The following CDH18 variants were observed in gnomAD, a reference collection of about 807,000 sequenced individuals.
CDH18 encodes cadherin 18, also known as cadherin-18.
Under a neutral mutation model 67.9 loss-of-function variants are expected in CDH18, and 31 were observed. That is an observed-to-expected ratio of 0.46 (90% CI 0.34 to 0.62). The LOEUF (loss-of-function observed/expected upper bound fraction) is 0.62, where lower values mean the gene tolerates loss of function less well. Ranked by LOEUF, CDH18 falls within the 20% of genes least tolerant of loss-of-function variation. The pLI, the probability that CDH18 is intolerant of heterozygous loss-of-function variation, is 0.01. For synonymous variants in CDH18, 362 were observed against 347.2 expected, an observed-to-expected ratio of 1.04 and a Z score of -0.48; for missense variants, 890 against 975.5, an observed-to-expected ratio of 0.91 and a Z score of 1.17.
At chr5:19,593,378 T>C (rs151014835) in intron 6 of CDH18, among the ~76,000 whole-genome samples, 1 of 152,264 alleles carries the variant, frequency 6.6e-6, no homozygotes, top group African/African-American at 2.4e-5. Flanking sequence ...TATGAGGTGT[T>C]ATCATACTGT....
chr5:20,093,563 T>C (rs758576390), intron 2 of CDH18, among the ~76,000 whole-genome samples: 1 of 152,160 alleles, frequency 6.6e-6, no homozygotes, highest in Non-Finnish European at 1.5e-5. Context: ...ACACTCATGA[T>C]AGTCCATTGT....
intron 2 of CDH18, among the ~76,000 whole-genome samples, chr5:20,217,780 C>A (rs1239936133): frequency 6.6e-6 from 1 of 151,590 alleles, no homozygotes; most frequent in Non-Finnish European, 1.5e-5. Context: ...ACATAGCAAA[C>A]ACATTTCACC....
At chr5:20,241,394 C>CCATG (rs1471987920) in intron 2 of CDH18, among the ~76,000 whole-genome samples, 6 of 151,974 alleles carry the variant, frequency 3.9e-5, no homozygotes, top group Non-Finnish European at 8.8e-5. Context: ...GAGTGCCTGA[C>CCATG]CATGGTGTGA....
At chr5:19,981,842 G>C (rs1329216252) in intron 1 of CDH18, among the ~76,000 whole-genome samples, 1 of 151,990 alleles carries the variant, frequency 6.6e-6, no homozygotes, top group Non-Finnish European at 1.5e-5. Context: ...CTTCCTCCCA[G>C]GCTTCCTAGC....
At chr5:20,378,903 A>G (rs1743680265) in intron 1 of CDH18, among the ~76,000 whole-genome samples, 1 of 152,124 alleles carries the variant, frequency 6.6e-6, no homozygotes, top group South Asian at 2.1e-4. Flanking sequence ...ATAAGAAAAG[A>G]TATCTTACCT....
At chr5:19,954,143 A>G (rs953222500) in intron 2 of CDH18, among the ~76,000 whole-genome samples, 5 of 152,072 alleles carry the variant, frequency 3.3e-5, no homozygotes, top group African/African-American at 1.2e-4. Flanking sequence ...TAGCACTTGG[A>G]TCATCTGGGA....
chr5:19,831,859 G>C (rs1369218089), intron 3 of CDH18, among the ~76,000 whole-genome samples: 1 of 151,942 alleles, frequency 6.6e-6, no homozygotes, highest in African/African-American at 2.4e-5. Context: ...AATAACTTAG[G>C]TGTCCCTCAA....
At chr5:20,178,027 G>C (rs1737379842) in intron 2 of CDH18, among the ~76,000 whole-genome samples, 1 of 152,104 alleles carries the variant, frequency 6.6e-6, no homozygotes, top group South Asian at 2.1e-4. Context: ...TCCTTAATGT[G>C]AGTGGACTTC....
intron 1 of CDH18, among the ~76,000 whole-genome samples, chr5:20,512,243 G>T (rs2126488801): frequency 6.6e-6 from 1 of 151,906 alleles, no homozygotes; most frequent in South Asian, 2.1e-4. Context: ...AAAAATAAAT[G>T]CTCGCTATTT....
At chr5:20,095,352 A>C (rs1312040526) in intron 2 of CDH18, among the ~76,000 whole-genome samples, 3 of 109,976 alleles carry the variant, frequency 2.7e-5, no homozygotes, top group Non-Finnish European at 5.7e-5. Context: ...AGAAAGAAAG[A>C]AAGAAAGAAA....
intron 2 of CDH18, among the ~76,000 whole-genome samples, chr5:20,243,826 T>C (rs1743173012): frequency 6.6e-6 from 1 of 152,120 alleles, no homozygotes; most frequent in Non-Finnish European, 1.5e-5. Context: ...GGAAAGGCAC[T>C]AGCTCAAGGA....
intron 2 of CDH18, among the ~76,000 whole-genome samples, chr5:20,009,763 A>T (rs916916573): frequency 6.6e-6 from 1 of 152,138 alleles, no homozygotes; most frequent in African/African-American, 2.4e-5. Flanking sequence ...AAATGTGGTA[A>T]TATTTGTCCA....
intron 2 of CDH18, among the ~76,000 whole-genome samples, chr5:19,908,573 T>C (rs762378341): frequency 2.2e-4 from 33 of 152,160 alleles, no homozygotes; most frequent in Non-Finnish European, 4.1e-4. Flanking sequence ...GTGGGAGATA[T>C]TGAACTGTTA....
chr5:20,268,989 A>G (rs940880282), intron 1 of CDH18, among the ~76,000 whole-genome samples: 1 of 152,194 alleles, frequency 6.6e-6, no homozygotes, highest in South Asian at 2.1e-4. Context: ...ACAGGGGATT[A>G]ATATCCACAA....
At chr5:20,136,351 C>CTTCT (rs1237336061) in intron 2 of CDH18, among the ~76,000 whole-genome samples, 7 of 151,254 alleles carry the variant, frequency 4.6e-5, no homozygotes, top group Admixed American at 1.3e-4. Context: ...ATGTAATGGC[C>CTTCT]TTGTCTCTTT....
intron 1 of CDH18, among the ~76,000 whole-genome samples, chr5:20,403,975 T>A (rs1746008770): frequency 6.6e-6 from 1 of 152,216 alleles, no homozygotes; most frequent in South Asian, 2.1e-4. Flanking sequence ...CTTAGCTGAA[T>A]CTTCTGGATA....
At chr5:19,685,747 A>T (rs539985708) in intron 5 of CDH18, among the ~76,000 whole-genome samples, 63 of 152,268 alleles carry the variant, frequency 4.1e-4, no homozygotes, top group Middle Eastern at 3.4e-3. Context: ...TGGTGCTATT[A>T]CATCACCTGT....
chr5:20,262,360 A>G (rs79776074), intron 1 of CDH18, among the ~76,000 whole-genome samples: 1,712 of 152,328 alleles, frequency 0.011, 34 homozygotes, highest in African/African-American at 0.039. Flanking sequence ...TGTTTTCACA[A>G]TGTTGGAAGG....
At chr5:19,987,253 A>AACACACACACACAC (rs10654722) in intron 1 of CDH18, among the ~76,000 whole-genome samples, 15 of 144,356 alleles carry the variant, frequency 1.0e-4, no homozygotes, top group African/African-American at 3.6e-4. Flanking sequence ...CTGTACAGAC[A>AACACACACACACAC]ACACACACAC....
Sources: allele counts gnomAD v4.1 joint callset (sites outside exome capture counted in the v4.1 genomes callset), GRCh38; gene constraint gnomAD v4.1.1; transcripts MANE v1.5; gene names NCBI Gene and HGNC (gene_info 2026-07-23, HGNC 2026-07-21).